ZNF236: variants seen among roughly 807,000 people sequenced by gnomAD.
The protein encoded by ZNF236 is regulated by glucose.
Under a neutral mutation model 191.2 loss-of-function variants are expected in ZNF236, and 50 were observed. That is an observed-to-expected ratio of 0.26 (90% CI 0.21 to 0.33). The LOEUF is 0.33. Among genes scored for constraint, ZNF236 ranks in the 10% least tolerant of loss-of-function variants. ZNF236 has a pLI of 1.00. For synonymous variants in ZNF236, 907 were observed against 928.8 expected (o/e 0.98, Z 0.43); for missense variants, 1,754 against 2,374.5 (o/e 0.74, Z 5.43).
rs1215711126 is a variant in ZNF236 at position 76,960,993 on chromosome 18, C to T, written c.5419+138C>T. 1.0e-6 allele frequency: 1 copy of T among 971,656 alleles called. No individual in the cohort carries two copies. Among genetic ancestry groups the T allele is most frequent in the African/African-American group, 1.6e-5 (1 of 60,640 alleles). 60.2% of individuals were successfully genotyped at this position (971,656 alleles called of 1,614,324 possible). A position where few individuals can be genotyped will look rare whatever the true frequency, so the allele number is the denominator to read the frequency against. ...CAGCCTCAGTTGTGTGGACTGGAAGCTTGTGCTTTATTTTATTTTTTGATT... is the reference window on the plus strand; with the variant it reads ...CAGCCTCAGTTGTGTGGACTGGAAGTTTGTGCTTTATTTTATTTTTTGATT... On this transcript the variant is annotated intron_variant, in intron 30 of 30. Coordinates refer to ENST00000320610, the MANE Select transcript of ZNF236 (RefSeq NM_001306089.2). This position sits in a 1 kb window ranked among gnomAD's most constrained non-coding sequence, Gnocchi z 4.4.
chr18:76,852,664 T>C (rs1568195817), intron 3 of ZNF236, among the ~76,000 whole-genome samples: 3 of 151,892 alleles, frequency 2.0e-5, no homozygotes, highest in Admixed American at 6.6e-5. Context: ...AAGAAAACCT[T>C]CTCTGAACTC....
Position 76,937,336 on chromosome 18 carries a change from C to G in ZNF236, c.4775C>G (p.Thr1592Ser). Reference protein sequence around the residue: ...GGLDTVTLNITSQGQQFPALL... With the variant: ...GGLDTVTLNISSQGQQFPALL... Reference sequence around the variant, plus strand: ...CTGGACACTGTCACACTCAACATCACCTCTCAGGCAAGTGCTCCTCAGAGA... The same window carrying G: ...CTGGACACTGTCACACTCAACATCAGCTCTCAGGCAAGTGCTCCTCAGAGA... The change falls in exon 26 of 31, where the codon ACC (threonine) becomes AGC (serine). Residue 1592 changes from threonine (T) to serine (S), a missense_variant. Around this residue, in one of 5 missense-constraint regions of ZNF236, gnomAD observed 606 missense variants for 761.5 expected, o/e 0.80. Coordinates refer to ENST00000320610, the MANE Select transcript of ZNF236 (RefSeq NM_001306089.2). 1 of 1,607,940 alleles carries G rather than the reference C, an allele frequency of 6.2e-7. No individual in the cohort carries two copies. Among genetic ancestry groups the G allele is most frequent in the Non-Finnish European group, 8.5e-7 (1 of 1,175,538 alleles).
chr18:76,930,976 A>C (rs1433676350), intron 25 of ZNF236: 1 of 152,218 alleles, frequency 6.6e-6, no homozygotes, highest in Non-Finnish European at 1.5e-5. Context: ...GACAATGAAA[A>C]CTTTGAGGAT....
At position 76,959,844 on chromosome 18, in the gene ZNF236, C is replaced by T. The variant is rs766958949; in HGVS notation, c.5242+28C>T. The T allele has an allele frequency of 3.3e-5, 53 of 1,606,748 alleles. 1 individual carries two copies. The highest frequency in any genetic ancestry group is 1.1e-5 in the South Asian group (1 of 90,138). On this transcript the variant is annotated intron_variant, in intron 29 of 30. Transcript: ENST00000320610. ...AACGGGGAAGGACGTGCTTTTGTTT[C>T]CTTACTCTTTGAAGTAGACATCATG... is the stretch of plus-strand genomic sequence containing the variant.
chr18:76,904,085 A>T (rs909406791), intron 11 of ZNF236, among the ~76,000 whole-genome samples: 1 of 151,472 alleles, frequency 6.6e-6, no homozygotes, highest in Admixed American at 6.6e-5. Context: ...AGTAATTGTG[A>T]CTAGATATTT....
Position 76,881,501 on chromosome 18 carries a change from C to A in ZNF236, c.1406C>A (p.Pro469Gln), listed in dbSNP as rs373500805. Reference protein sequence around the residue: ...KEKKMIKKKSPFLPGSIREEN... With the variant: ...KEKKMIKKKSQFLPGSIREEN... ...AAAAAAATGATAAAGAAGAAGTCAC[C>A]GTTTCTACCTGGTAATTTTCCTAAA... The change falls in exon 9 of 31, where the codon CCG (proline) becomes CAG (glutamine). Residue 469 changes from proline to glutamine, a missense_variant. Physicochemically the swap from Pro to Gln is moderately conservative, Grantham distance 76. Transcript: ENST00000320610. The A allele has an allele frequency of 6.2e-7, 1 of 1,609,530 alleles. No homozygotes were observed. Among genetic ancestry groups the A allele is most frequent in the Non-Finnish European group, 8.5e-7 (1 of 1,178,902 alleles).
chr18:76,886,122 C>T (rs1330124906), intron 9 of ZNF236: 3 of 152,074 alleles, frequency 2.0e-5, no homozygotes, highest in Admixed American at 6.5e-5. Context: ...ATTGGTATTC[C>T]GGCTGTCTTG....
At chr18:76,902,193 A>G (rs943701640) in intron 11 of ZNF236, among the ~76,000 whole-genome samples, 2 of 152,198 alleles carry the variant, frequency 1.3e-5, no homozygotes, top group Non-Finnish European at 2.9e-5. Flanking sequence ...TGTAAATTGT[A>G]AAATATTGTA....
In ZNF236 at chr18:76,958,769, C is replaced by T. The variant is rs149272897; in HGVS notation, c.5113-918C>T. Among the ~76,000 whole-genome samples, 844 of 152,278 alleles carry T rather than the reference C, an allele frequency of 5.5e-3. 4 individuals are homozygous for T. Among genetic ancestry groups the T allele is most frequent in the African/African-American group, 0.02 (815 of 41,558 alleles). On this transcript the variant is annotated intron_variant, in intron 28 of 30. Coordinates refer to ENST00000320610, the MANE Select transcript of ZNF236 (RefSeq NM_001306089.2). ...GGTCTGCAGTGCTGGGAAGGCTCCC[C>T]CACTCACCTCCCGAGTTTGTTTTTC...
At chr18:76,924,618 C>T (rs3794868) in intron 21 of ZNF236, among the ~76,000 whole-genome samples, 2,414 of 152,290 alleles carry the variant, frequency 0.016, 29 homozygotes, top group Middle Eastern at 0.02. Flanking sequence ...TCCGAGCCTT[C>T]GTGGCCTTTG....
At position 76,919,664 on chromosome 18, in the gene ZNF236, G is replaced by T; in HGVS notation, c.3275-112G>T. 1 of 1,263,578 alleles carries T rather than the reference G, an allele frequency of 7.9e-7. No individual in the cohort carries two copies. 78.3% of individuals were successfully genotyped at this position (1,263,578 alleles called of 1,614,324 possible). ...CTCTCTACCATCATAAAAATAGCTT[G>T]GTTGAGTTATTAATTTTCATTACAT... is the stretch of plus-strand genomic sequence containing the variant. On this transcript the variant is annotated intron_variant, in intron 19 of 30. Transcript: ENST00000320610. The surrounding 1 kb of genome is among the most constrained non-coding windows in gnomAD (Gnocchi z 5.3).
At chr18:76,824,839 C>T (rs1013394158) in intron 1 of ZNF236, among the ~76,000 whole-genome samples, 1 of 152,196 alleles carries the variant, frequency 6.6e-6, no homozygotes, top group Non-Finnish European at 1.5e-5. Context: ...CCAGAGATAC[C>T]CTCTGACCCA....
chr18:76,943,122 C>CAAA (rs530931580), intron 26 of ZNF236, among the ~76,000 whole-genome samples: 1,478 of 85,386 alleles, frequency 0.017, 37 homozygotes, highest in Non-Finnish European at 0.018. Flanking sequence ...GACTCCGTCT[C>CAAA]AAAAAAAAAA....
intron 9 of ZNF236, chr18:76,887,547 T>C (rs1463000831): frequency 6.6e-6 from 1 of 152,196 alleles, no homozygotes; most frequent in Non-Finnish European, 1.5e-5. Context: ...TAAGAGGCTG[T>C]ATTAGTCTGT....
Position 76,925,364 on chromosome 18 carries a change from C to T in ZNF236, c.3837C>T (p.Asp1279=), listed in dbSNP as rs1462945943. Residue 1279 remains aspartate, a synonymous_variant, in exon 22 of 31, where the codon GAC becomes GAT. Transcript: ENST00000320610. This position sits in a 1 kb window ranked among gnomAD's most constrained non-coding sequence, Gnocchi z 5.7. The part of the protein sequence containing the change: ...KTHMQFHYKP[D]PKKARKPMTR... ...ACATGCAGTTTCATTATAAACCAGACCCAAAGAAGGCCAGAAAGCCTATGA... is the reference window on the plus strand; with the variant it reads ...ACATGCAGTTTCATTATAAACCAGATCCAAAGAAGGCCAGAAAGCCTATGA... 1 of 1,614,170 alleles carries T rather than the reference C, an allele frequency of 6.2e-7. No individual in the cohort carries two copies. Among genetic ancestry groups the T allele is most frequent in the South Asian group, 1.1e-5 (1 of 91,080 alleles).
chr18:76,837,683 C>T (rs1171190143), intron 1 of ZNF236, among the ~76,000 whole-genome samples: 1 of 152,074 alleles, frequency 6.6e-6, no homozygotes, highest in Non-Finnish European at 1.5e-5. Flanking sequence ...GTCAGTCAAT[C>T]CGCCCGCCTA....
chr18:76,849,737 G>A, intron 2 of ZNF236, 69 bp downstream of exon 2: 1 of 1,358,986 alleles, frequency 7.4e-7, no homozygotes, highest in Non-Finnish European at 9.7e-7. Context: ...AAATGAACAA[G>A]TAAAATCAAA....
chr18:76,837,371 A>G (rs1456376312), intron 1 of ZNF236, among the ~76,000 whole-genome samples: 1 of 149,488 alleles, frequency 6.7e-6, no homozygotes, highest in Non-Finnish European at 1.5e-5. Flanking sequence ...GAAGTCTTTG[A>G]TCTGATTTAA....
At chr18:76,852,264 T>C (rs563456640) in intron 3 of ZNF236, among the ~76,000 whole-genome samples, 50 of 152,348 alleles carry the variant, frequency 3.3e-4, no homozygotes, top group Middle Eastern at 3.4e-3. Flanking sequence ...GATTCTGCCA[T>C]GGCCAAAAGT....
Sources: allele counts gnomAD v4.1 joint callset (sites outside exome capture counted in the v4.1 genomes callset), GRCh38; gene constraint gnomAD v4.1.1; regional missense constraint gnomAD v4.1.1; non-coding constraint Gnocchi (gnomAD v3.1); transcripts MANE v1.5; gene names NCBI Gene and HGNC (gene_info 2026-07-23, HGNC 2026-07-21).